The following LTBP1 variants were observed in gnomAD, a reference collection of about 807,000 sequenced individuals.
The protein encoded by LTBP1 is latent transforming growth factor beta binding protein 1, also known as latent-transforming growth factor beta-binding protein 1.
Under a neutral mutation model 207.6 loss-of-function variants are expected in LTBP1, and 129 were observed. The ratio of observed to expected loss-of-function variants is 0.62; its 90% confidence interval spans 0.54 to 0.72. The LOEUF (loss-of-function observed/expected upper bound fraction) is 0.72, where lower values mean the gene tolerates loss of function less well. LTBP1 is among the 30% of genes least tolerant of loss of function. LTBP1 has a pLI of 0.00. For synonymous variants in LTBP1, 963 were observed against 833.7 expected (o/e 1.16, Z -2.67); for missense variants, 2,281 against 2,217.2 (o/e 1.03, Z -0.58).
intron 3 of LTBP1, among the ~76,000 whole-genome samples, chr2:33,091,946 C>A (rs888362659): frequency 6.6e-6 from 1 of 152,160 alleles, no homozygotes; most frequent in African/African-American, 2.4e-5. Context: ...CTCACATTAC[C>A]CCCAGCTCAA....
At chr2:33,289,389 T>C (rs1448819109) in intron 19 of LTBP1, among the ~76,000 whole-genome samples, 1 of 152,194 alleles carries the variant, frequency 6.6e-6, no homozygotes, top group African/African-American at 2.4e-5. Context: ...TTTTAAAGTG[T>C]CAAGGTCTTG....
intron 9 of LTBP1, among the ~76,000 whole-genome samples, chr2:33,230,662 G>A (rs1016731625): frequency 6.6e-6 from 1 of 152,132 alleles, no homozygotes; most frequent in African/African-American, 2.4e-5. Flanking sequence ...TTCCCTGAGT[G>A]GAAATACTGA....
intron 5 of LTBP1, among the ~76,000 whole-genome samples, chr2:33,185,786 C>CCT (rs557644345): frequency 0.015 from 2,244 of 152,150 alleles, 21 homozygotes; most frequent in East Asian, 0.026. Context: ...TAAACCGGCC[C>CCT]AAGATAGATT....
At chr2:33,384,754 T>A (rs1490122147) in intron 31 of LTBP1, among the ~76,000 whole-genome samples, 1 of 152,216 alleles carries the variant, frequency 6.6e-6, no homozygotes, top group Non-Finnish European at 1.5e-5. Context: ...GGCTCTGTAC[T>A]CTCAGCCAAC....
intron 3 of LTBP1, among the ~76,000 whole-genome samples, chr2:33,097,745 G>T (rs539381496): frequency 6.6e-6 from 1 of 152,140 alleles, no homozygotes; most frequent in South Asian, 2.1e-4. Context: ...TCTACACCTT[G>T]ATTTTCTCAC....
At chr2:33,126,286 C>G (rs2081430805) in intron 4 of LTBP1, among the ~76,000 whole-genome samples, 1 of 152,036 alleles carries the variant, frequency 6.6e-6, no homozygotes, top group Non-Finnish European at 1.5e-5. Flanking sequence ...CAGGGTTAGT[C>G]TCGATCTCCT....
intron 2 of LTBP1, among the ~76,000 whole-genome samples, chr2:32,949,175 C>T (rs1389520523): frequency 2.0e-5 from 3 of 152,186 alleles, no homozygotes; most frequent in Non-Finnish European, 4.4e-5. Context: ...CAAGACTTCT[C>T]TGAACTCAAC....
chr2:33,280,129 G>C lies in LTBP1; in HGVS notation c.3083G>C (p.Gly1028Ala). Residue 1028 changes from glycine (G) to alanine (A), a missense_variant, in exon 19 of 34, where the codon GGA becomes GCA. Gly to Ala is a moderately conservative substitution (Grantham distance 60). Coordinates refer to ENST00000404816, the MANE Select transcript of LTBP1 (RefSeq NM_206943.4). ...TACCAGTGCGTTCCCTGCACAGAAG[G>C]ATTCCGAGGCTGGAATGGACAGTGC... is the stretch of plus-strand genomic sequence containing the variant. Reference protein sequence around the residue: ...GSYQCVPCTEGFRGWNGQCLD... With the variant: ...GSYQCVPCTEAFRGWNGQCLD... 1 of 1,614,148 alleles carries C rather than the reference G, an allele frequency of 6.2e-7. No individual in the cohort carries two copies. Among genetic ancestry groups the C allele is most frequent in the South Asian group, 1.1e-5 (1 of 91,080 alleles).
rs529153087 is a variant in LTBP1, at chr2:33,152,833, C to T, written c.1201+17873C>T. On this transcript the variant is annotated intron_variant, in intron 5 of 33. Transcript: ENST00000404816. ...AGAAAAACCTGGGATTTCCATTTAA[C>T]AAGCTAAATACTTAACTACAGCATT... Among the ~76,000 whole-genome samples the T allele has an allele frequency of 3.9e-4, 59 of 152,294 alleles. 3 individuals are homozygous for T. In the South Asian group the frequency reaches 0.012, roughly 31 times the overall value.
chr2:33,398,376 G>A lies in LTBP1; in HGVS notation c.4997G>A (p.Cys1666Tyr). ...TGACTTATTGCAGATGTAAATGAATGCGATGAGTTGAACAACCGGATGTCT... is the reference window on the plus strand; with the variant it reads ...TGACTTATTGCAGATGTAAATGAATACGATGAGTTGAACAACCGGATGTCT... ...AKMTCVDVNE[C>Y]DELNNRMSLC... Residue 1666 changes from cysteine (C) to tyrosine (Y), a missense_variant, in exon 34 of 34, where the codon TGC becomes TAC. Physicochemically the swap from Cys to Tyr is radical, Grantham distance 194. Around this residue, in one of 3 missense-constraint regions of LTBP1, gnomAD observed 1,671 missense variants for 1,634.8 expected, o/e 1.02. Transcript: ENST00000404816. 3 of 1,613,782 alleles carry A rather than the reference G, an allele frequency of 1.9e-6. No individual in the cohort carries two copies. The highest frequency in any genetic ancestry group is 2.5e-6 in the Non-Finnish European group (3 of 1,179,844).
At chr2:33,054,850 T>C (rs911371067) in intron 3 of LTBP1, among the ~76,000 whole-genome samples, 1 of 152,164 alleles carries the variant, frequency 6.6e-6, no homozygotes, top group African/African-American at 2.4e-5. Flanking sequence ...GATCATCTGG[T>C]TGGGGGCTTC....
chr2:33,287,439 A>G (rs2093688319), intron 19 of LTBP1, among the ~76,000 whole-genome samples: 1 of 152,244 alleles, frequency 6.6e-6, no homozygotes, highest in South Asian at 2.1e-4. Flanking sequence ...AATGAAGACA[A>G]TAAGGAAAAT....
chr2:33,066,186 T>A (rs542608412), intron 3 of LTBP1, among the ~76,000 whole-genome samples: 1 of 152,232 alleles, frequency 6.6e-6, no homozygotes, highest in Non-Finnish European at 1.5e-5. Flanking sequence ...TTTTATGTAG[T>A]CTTATCTGTT....
chr2:32,947,530 C>A lies in LTBP1; in HGVS notation c.206C>A (p.Ala69Asp). Reference sequence around the variant, plus strand: ...AGGTACAGCCGCAGCTCGGCGGCTGCCGGCGCCCCCAGCCGTGCCTCCCCC... The same window carrying A: ...AGGTACAGCCGCAGCTCGGCGGCTGACGGCGCCCCCAGCCGTGCCTCCCCC... ...NARYSRSSAA[A>D]GAPSRASPGV... Residue 69 changes from alanine (A) to aspartate (D), a missense_variant, in exon 1 of 34, where the codon GCC (alanine) becomes GAC (aspartate). By Grantham distance (126) the Ala-to-Asp change is moderately radical. This residue lies in a region of LTBP1 where 555 missense variants were observed against 491.0 expected (regional missense o/e 1.13). Coordinates refer to ENST00000404816, the MANE Select transcript of LTBP1 (RefSeq NM_206943.4). 1 of 1,397,546 alleles carries A rather than the reference C, an allele frequency of 7.2e-7. No homozygotes were observed. Among genetic ancestry groups the A allele is most frequent in the Non-Finnish European group, 9.3e-7 (1 of 1,077,486 alleles). The allele number at this position is 1,397,546 out of a possible 1,614,324, so 86.6% of individuals were successfully genotyped here.
chr2:32,947,867 CCG>C, intron 1 of LTBP1, 49 bp downstream of exon 1: 2 of 1,270,418 alleles, frequency 1.6e-6, no homozygotes, highest in Non-Finnish European at 2.0e-6. Context: ...CGCGCACCGC[CCG>C]CGGAGGGACC....
intron 7 of LTBP1, among the ~76,000 whole-genome samples, chr2:33,192,710 TATAAC>T (rs1417844347): frequency 2.0e-5 from 3 of 152,224 alleles, no homozygotes; most frequent in African/African-American, 4.8e-5. Flanking sequence ...TTTGTGTTGT[TATAAC>T]AGAGTGTCAC....
intron 31 of LTBP1, among the ~76,000 whole-genome samples, chr2:33,371,208 A>G (rs2095063235): frequency 6.6e-6 from 1 of 152,218 alleles, no homozygotes; most frequent in Non-Finnish European, 1.5e-5. Flanking sequence ...CGCAGACTGC[A>G]CTAGGAGGAA....
chr2:33,280,542 A>G (rs1009913338), intron 19 of LTBP1, among the ~76,000 whole-genome samples: 8 of 152,214 alleles, frequency 5.3e-5, no homozygotes, highest in African/African-American at 1.9e-4. Context: ...TTTCAACAGA[A>G]GTATCAAAGG....
intron 24 of LTBP1, among the ~76,000 whole-genome samples, chr2:33,341,730 AT>A (rs375429101): frequency 2.3e-4 from 15 of 65,124 alleles, no homozygotes; most frequent in East Asian, 1.3e-3. Flanking sequence ...AAAAAAAAAA[AT>A]ATATATATAT....
Sources: gnomAD v4.1 joint callset for allele counts (sites outside exome capture counted in the v4.1 genomes callset) on GRCh38, gnomAD v4.1.1 for gene constraint, gnomAD v4.1.1 regional missense constraint, MANE v1.5 for transcripts, NCBI Gene and HGNC (gene_info 2026-07-23, HGNC 2026-07-21) for gene names.